MYLK3: variants seen among roughly 807,000 people sequenced by gnomAD.
The protein encoded by MYLK3 is myosin light chain kinase 3.
In MYLK3, 55 loss-of-function variants were observed where a neutral mutation model predicts 76.3. That is an observed-to-expected ratio of 0.72 (90% confidence interval 0.58 to 0.90). MYLK3 has a LOEUF of 0.90. Ranked by LOEUF, MYLK3 falls within the 40% of genes least tolerant of loss-of-function variation. MYLK3 has a pLI of 0.00. For synonymous variants in MYLK3, 416 were observed against 425.4 expected, an observed-to-expected ratio of 0.98 and a Z score of 0.27; for missense variants, 973 against 1,053.6, an observed-to-expected ratio of 0.92 and a Z score of 1.06.
At chr16:46,744,178 G>A (rs555237004) in intron 1 of MYLK3, among the ~76,000 whole-genome samples, 15 of 151,318 alleles carry the variant, frequency 9.9e-5, no homozygotes, top group African/African-American at 3.2e-4. Context: ...GACTACAAGT[G>A]CACGCCACCA....
At chr16:46,714,597 C>T (rs1274902751) in intron 9 of MYLK3, among the ~76,000 whole-genome samples, 1 of 152,212 alleles carries the variant, frequency 6.6e-6, no homozygotes, top group African/African-American at 2.4e-5. Context: ...AAGGAGAAGC[C>T]CCCAAAGCCA....
intron 1 of MYLK3, among the ~76,000 whole-genome samples, 173 bp downstream of exon 1, chr16:46,747,544 C>T (rs1374167733): frequency 2.0e-5 from 3 of 152,204 alleles, no homozygotes; most frequent in Admixed American, 6.5e-5. Flanking sequence ...AGGCAGTGTC[C>T]GGACTGGAAA....
intron 7 of MYLK3, among the ~76,000 whole-genome samples, chr16:46,727,993 T>C (rs915822010): frequency 1.3e-5 from 2 of 152,244 alleles, no homozygotes; most frequent in Non-Finnish European, 2.9e-5. Context: ...CATTCACCTA[T>C]GGAGGCCAAC....
upstream of MYLK3, among the ~76,000 whole-genome samples, chr16:46,750,307 A>G (rs1967105796): frequency 6.6e-6 from 1 of 152,204 alleles, no homozygotes; most frequent in Non-Finnish European, 1.5e-5. Flanking sequence ...ACCAGACAAG[A>G]GAGGCAGACC....
Position 46,727,232 on chromosome 16 carries a change from C to T in MYLK3, c.1914+4G>A. 3 of 1,613,310 alleles carry T rather than the reference C, an allele frequency of 1.9e-6. No individual in the cohort carries two copies. The highest frequency in any genetic ancestry group is 2.5e-6 in the Non-Finnish European group (3 of 1,179,366). On this transcript the variant is annotated splice_donor_region_variant and intron_variant, in intron 8 of 12. Transcript: ENST00000394809. Reference sequence around the variant, plus strand: ...CCCTACCGCATGCCCAGGGCAGAACCCACCTTGAGGTCCAGGTGCAGGATG... The same window carrying T: ...CCCTACCGCATGCCCAGGGCAGAACTCACCTTGAGGTCCAGGTGCAGGATG...
chr16:46,737,727 C>T lies in MYLK3; in HGVS notation c.985G>A (p.Gly329Arg), dbSNP rs570086701. The T allele has an allele frequency of 6.3e-6, 10 of 1,599,890 alleles. No individual in the cohort carries two copies. The highest frequency in any genetic ancestry group is 1.3e-5 in the African/African-American group (1 of 74,726). Residue 329 changes from glycine to arginine, a missense_variant, in exon 3 of 13, where the codon GGA becomes AGA. Around this residue, in one of 2 missense-constraint regions of MYLK3, gnomAD observed 641 missense variants for 637.0 expected, o/e 1.01. Coordinates refer to ENST00000394809, the MANE Select transcript of MYLK3 (RefSeq NM_182493.3). ...PAQARATHSGGETPPRISIHI... is the reference protein window; with the variant it reads ...PAQARATHSGRETPPRISIHI... ...TCCCCTTACCTTGGAGGTGTTTCTC[C>T]ACCACTGTGGGTTGCCCTGGCCTGG...
chr16:46,744,039 T>C (rs1966976742), intron 1 of MYLK3, among the ~76,000 whole-genome samples: 1 of 152,200 alleles, frequency 6.6e-6, no homozygotes, highest in African/African-American at 2.4e-5. Flanking sequence ...AATTTTATTT[T>C]ATTTTATTTT....
intron 2 of MYLK3, among the ~76,000 whole-genome samples, chr16:46,739,749 AACAGT>A (rs1482868226): frequency 2.0e-5 from 3 of 152,234 alleles, no homozygotes; most frequent in African/African-American, 7.2e-5. Flanking sequence ...ACTTCCAGTC[AACAGT>A]AGGCTATTAG....
intron 4 of MYLK3, 36 bp from the exon 5 acceptor site, chr16:46,730,734 C>T: frequency 1.9e-6 from 3 of 1,582,960 alleles, no homozygotes; most frequent in Non-Finnish European, 2.6e-6. Context: ...TGAGCCTCCT[C>T]TGTGCAGCCC....
At chr16:46,719,166 A>C (rs1393162641) in intron 9 of MYLK3, among the ~76,000 whole-genome samples, 2 of 152,048 alleles carry the variant, frequency 1.3e-5, no homozygotes, top group Admixed American at 1.3e-4. Context: ...GTCTCTACTA[A>C]AAATACAAAA....
intron 7 of MYLK3, 51 bp from the exon 8 acceptor site, chr16:46,727,428 G>T (rs1231053422): frequency 3.2e-6 from 5 of 1,557,846 alleles, no homozygotes; most frequent in South Asian, 1.2e-5. Context: ...GGCTCTTCAG[G>T]GCTTGTCCAC....
intron 9 of MYLK3, among the ~76,000 whole-genome samples, chr16:46,713,852 A>C (rs907874312): frequency 6.6e-6 from 1 of 152,156 alleles, no homozygotes; most frequent in African/African-American, 2.4e-5. Context: ...AGCCTGGCTT[A>C]TTTCACCTAA....
At chr16:46,710,210 A>G (rs1457573058) in intron 11 of MYLK3, among the ~76,000 whole-genome samples, 1 of 152,188 alleles carries the variant, frequency 6.6e-6, no homozygotes, top group Non-Finnish European at 1.5e-5. Context: ...TCCAGTTATT[A>G]CCTTATTCTG....
chr16:46,737,630 TG>T, intron 3 of MYLK3, 80 bp downstream of exon 3: 1 of 1,356,422 alleles, frequency 7.4e-7, no homozygotes. Flanking sequence ...ATGTATGCAG[TG>T]GATGCTGCCC....
rs781022810 is a variant in MYLK3 at position 46,739,968 on chromosome 16, G to A, written c.568+89C>T. The A allele has an allele frequency of 3.3e-6, 3 of 913,662 alleles. No homozygotes were observed. The South Asian group carries it at 5.0e-5, about 15-fold the overall frequency. The allele number at this position is 913,662 out of a possible 1,614,324, so 56.6% of individuals were successfully genotyped here. A position where few individuals can be genotyped will look rare whatever the true frequency, so the allele number is the denominator to read the frequency against. On this transcript the variant is annotated intron_variant, in intron 2 of 12. Transcript: ENST00000394809. ...AAAAGAAGCTTTGACAGTTGCCCAG[G>A]AATCATACTGTGGGCCGTGTTGTTG...
intron 2 of MYLK3, 133 bp from the exon 3 acceptor site, chr16:46,738,276 G>T: frequency 1.3e-6 from 1 of 779,368 alleles, no homozygotes; most frequent in Non-Finnish European, 2.0e-6. Context: ...CAACCCAAAT[G>T]AAAGGGGCTG....
At chr16:46,739,722 T>C (rs1966898724) in intron 2 of MYLK3, among the ~76,000 whole-genome samples, 1 of 152,246 alleles carries the variant, frequency 6.6e-6, no homozygotes, top group Non-Finnish European at 1.5e-5. Flanking sequence ...TAATTGCTTA[T>C]TTATGTTATC....
chr16:46,742,224 C>A (rs1210970345), intron 1 of MYLK3, among the ~76,000 whole-genome samples: 10 of 98,132 alleles, frequency 1.0e-4, no homozygotes, highest in African/African-American at 2.9e-4. Flanking sequence ...AATAAACTCA[C>A]TAGAAAAAAA....
intron 9 of MYLK3, among the ~76,000 whole-genome samples, chr16:46,717,616 A>C (rs1398929915): frequency 2.0e-5 from 3 of 150,336 alleles, no homozygotes; most frequent in African/African-American, 7.3e-5. Flanking sequence ...CCCTCCAGGC[A>C]GTGCTGCACT....
Sources: allele counts gnomAD v4.1 joint callset (sites outside exome capture counted in the v4.1 genomes callset), GRCh38; gene constraint gnomAD v4.1.1; regional missense constraint gnomAD v4.1.1; transcripts MANE v1.5; gene names NCBI Gene and HGNC (gene_info 2026-07-23, HGNC 2026-07-21).